The following FTO variants were observed in gnomAD, a reference collection of about 807,000 sequenced individuals.
FTO encodes alpha-ketoglutarate-dependent dioxygenase FTO.
FTO carries 47 observed loss-of-function variants against 63.9 expected under a neutral mutation model. The ratio of observed to expected loss-of-function variants is 0.74; its 90% CI spans 0.58 to 0.94. FTO has a LOEUF of 0.94. Ranked by LOEUF, FTO falls within the 40% of genes least tolerant of loss-of-function variation. The probability of loss-of-function intolerance (pLI) is 0.00; values close to 1 mark genes in which losing one functional copy is unlikely to be tolerated. For synonymous variants in FTO, 207 were observed against 224.4 expected (o/e 0.92, Z 0.69); for missense variants, 562 against 618.1 (o/e 0.91, Z 0.96).
chr16:53,786,624 C>T (rs1413577571), intron 1 of FTO, among the ~76,000 whole-genome samples: 1 of 152,150 alleles, frequency 6.6e-6, no homozygotes, highest in Non-Finnish European at 1.5e-5. Context: ...TTGTGATGCA[C>T]TTGGATAGTC....
In FTO at chr16:54,111,807, A is replaced by G. The variant is rs1466532941; in HGVS notation, c.1410A>G (p.Pro470=). The G allele has an allele frequency of 1.2e-6, 2 of 1,614,038 alleles. No individual in the cohort carries two copies. The highest frequency in any genetic ancestry group is 1.7e-6 in the Non-Finnish European group (2 of 1,180,022). ...GAACATTACCTGCTGATCAGAAGCC[A>G]GAATGTCGGCCATACTGGGAAAAGG... ...IARTLPADQK[P]ECRPYWEKDD... The change falls in exon 9 of 9, where the codon CCA becomes CCG. Residue 470 remains proline, a synonymous_variant. Coordinates refer to ENST00000471389, the MANE Select transcript of FTO (RefSeq NM_001080432.3).
intron 1 of FTO, among the ~76,000 whole-genome samples, chr16:53,743,347 A>T (rs2076571919): frequency 1.3e-5 from 2 of 152,002 alleles, no homozygotes; most frequent in South Asian, 4.2e-4. Flanking sequence ...AGGAACCTAA[A>T]TTGGACATAA....
chr16:53,852,672 C>T (rs9934978), intron 4 of FTO, among the ~76,000 whole-genome samples: 51,210 of 151,896 alleles, frequency 0.34, 9,918 homozygotes, highest in East Asian at 0.72. Flanking sequence ...ACTATCCAAC[C>T]TGCGCCAATG....
chr16:53,933,916 TG>T, intron 7 of FTO, 68 bp from the exon 8 acceptor site: 1 of 1,497,404 alleles, frequency 6.7e-7, no homozygotes, highest in Non-Finnish European at 9.1e-7. Flanking sequence ...TGTCCTTATT[TG>T]CTTATGGGCT....
chr16:53,883,073 C>G (rs1328163279), intron 6 of FTO, among the ~76,000 whole-genome samples: 2 of 152,138 alleles, frequency 1.3e-5, no homozygotes, highest in Non-Finnish European at 2.9e-5. Flanking sequence ...TGAATTAGAG[C>G]AAAGTTATGT....
chr16:53,826,431 C>T lies in FTO; in HGVS notation c.691C>T (p.His231Tyr). The change falls in exon 3 of 9, where the codon CAT becomes TAT. Residue 231 changes from histidine (H) to tyrosine (Y), a missense_variant. Transcript: ENST00000471389. The part of the protein sequence containing the change: ...FGMGKMAVSW[H>Y]HDENLVDRSA... ...CATGGGGAAAATGGCAGTGAGCTGG[C>T]ATCATGATGAAAATCTGGTGGACAG... is the stretch of plus-strand genomic sequence containing the variant. The T allele has an allele frequency of 6.2e-7, 1 of 1,614,088 alleles. No homozygotes were observed. The highest frequency in any genetic ancestry group is 1.1e-5 in the South Asian group (1 of 91,074).
chr16:54,083,229 G>A (rs943452725), intron 8 of FTO, among the ~76,000 whole-genome samples: 3 of 152,064 alleles, frequency 2.0e-5, no homozygotes, highest in South Asian at 4.2e-4. Flanking sequence ...TTCTTTTCTG[G>A]GCTGCTGAGC....
chr16:54,074,952 G>GTA, intron 8 of FTO, among the ~76,000 whole-genome samples: 1 of 146,818 alleles, frequency 6.8e-6, no homozygotes, highest in African/African-American at 2.5e-5. Flanking sequence ...GTGTGTGTGT[G>GTA]TGTAAACTGT....
Position 53,911,469 on chromosome 16 carries a change from G to T in FTO, c.1240-22516G>T, listed in dbSNP as rs992422634. ...CATACCGTTGCATTCATCATGGGAAGAATTTCAGTAGAATGGTAAGGACAG... is the reference window on the plus strand; with the variant it reads ...CATACCGTTGCATTCATCATGGGAATAATTTCAGTAGAATGGTAAGGACAG... On this transcript the variant is annotated intron_variant, in intron 7 of 8. Coordinates refer to ENST00000471389, the MANE Select transcript of FTO (RefSeq NM_001080432.3). 6 of 703,000 alleles carry T rather than the reference G, an allele frequency of 8.5e-6. No individual in the cohort carries two copies. The African/African-American group carries it at 1.0e-4, about 12-fold the overall frequency. 43.5% of individuals were successfully genotyped at this position (703,000 alleles called of 1,614,324 possible).
chr16:53,800,091 G>C (rs184164929), intron 1 of FTO, among the ~76,000 whole-genome samples: 8 of 151,946 alleles, frequency 5.3e-5, no homozygotes, highest in Admixed American at 2.0e-4. Flanking sequence ...TGGAAGCTAA[G>C]GTAATTGATT....
intron 2 of FTO, among the ~76,000 whole-genome samples, chr16:53,814,142 G>C (rs1375857673): frequency 6.6e-6 from 1 of 152,152 alleles, no homozygotes; most frequent in South Asian, 2.1e-4. Flanking sequence ...CACCTTCAGA[G>C]AAGTTTTGCA....
chr16:53,794,987 C>T (rs79226694), intron 1 of FTO, among the ~76,000 whole-genome samples: 3,803 of 152,104 alleles, frequency 0.025, 75 homozygotes, highest in Middle Eastern at 0.037. Context: ...TGAATTTTTA[C>T]AGAAAAGTCA....
At chr16:53,760,316 TG>T (rs955718033) in intron 1 of FTO, among the ~76,000 whole-genome samples, 16 of 150,594 alleles carry the variant, frequency 1.1e-4, no homozygotes, top group Non-Finnish European at 2.4e-4. Context: ...GGTGCGATCT[TG>T]GGTCACTGCA....
At chr16:54,037,143 AG>A (rs1160282063) in intron 8 of FTO, among the ~76,000 whole-genome samples, 2 of 152,194 alleles carry the variant, frequency 1.3e-5, no homozygotes, top group African/African-American at 4.8e-5. Context: ...CCAGATTCCC[AG>A]GGAGAGAATT....
At chr16:53,877,701 C>A (rs962093718) in intron 5 of FTO, among the ~76,000 whole-genome samples, 1 of 151,208 alleles carries the variant, frequency 6.6e-6, no homozygotes, top group Non-Finnish European at 1.5e-5. Context: ...AATTTTATGA[C>A]GTGAATTATA....
intron 8 of FTO, among the ~76,000 whole-genome samples, chr16:54,086,260 A>G (rs149788648): frequency 6.6e-6 from 1 of 152,332 alleles, no homozygotes; most frequent in African/African-American, 2.4e-5. Context: ...TAAATGAACC[A>G]CAAGACCCAT....
At chr16:53,933,924 G>A in intron 7 of FTO, 61 bp from the exon 8 acceptor site, 1 of 1,540,716 alleles carries the variant, frequency 6.5e-7, no homozygotes, top group South Asian at 1.2e-5. Flanking sequence ...TTTGCTTATG[G>A]GCTTTTTTTT....
chr16:53,792,561 T>A (rs1426397707), intron 1 of FTO, among the ~76,000 whole-genome samples: 2 of 152,136 alleles, frequency 1.3e-5, no homozygotes, highest in African/African-American at 4.8e-5. Context: ...CTTTGTAAAA[T>A]TATAAAAAAA....
At chr16:53,713,146 TACCTTATGA>T (rs1443464425) in intron 1 of FTO, among the ~76,000 whole-genome samples, 1 of 152,164 alleles carries the variant, frequency 6.6e-6, no homozygotes, top group Non-Finnish European at 1.5e-5. Context: ...AATGGTTAAG[TACCTTATGA>T]ATTTTAAATT....
Sources: allele counts gnomAD v4.1 joint callset (sites outside exome capture counted in the v4.1 genomes callset), GRCh38; gene constraint gnomAD v4.1.1; transcripts MANE v1.5; gene names NCBI Gene and HGNC (gene_info 2026-07-23, HGNC 2026-07-21).